Variants in PCDH11X observed in about 807,000 individuals in gnomAD.
The protein encoded by PCDH11X is protocadherin-11 X-linked.
PCDH11X carries 18 observed loss-of-function variants against 53.3 expected under a neutral mutation model. The ratio of observed to expected loss-of-function variants is 0.34; its 90% CI spans 0.23 to 0.50. The LOEUF is 0.50. Among genes scored for constraint, PCDH11X ranks in the 20% least tolerant of loss-of-function variants. The pLI, the probability that PCDH11X is intolerant of heterozygous loss-of-function variation, is 0.98. For synonymous variants in PCDH11X, 279 were observed against 393.3 expected, an observed-to-expected ratio of 0.71 and a Z score of 3.44; for missense variants, 570 against 1,032.4, an observed-to-expected ratio of 0.55 and a Z score of 6.14.
chrX:92,579,847 T>C (rs1374635113), intron 10 of PCDH11X, among the ~76,000 whole-genome samples: 1 of 111,734 alleles, frequency 8.9e-6, no homozygotes, highest in Non-Finnish European at 1.9e-5. Context: ...TTCAGCATTT[T>C]TGCATTGATT....
chrX:92,226,430 T>C (rs1391845232), intron 7 of PCDH11X, among the ~76,000 whole-genome samples: 1 of 111,436 alleles, frequency 9.0e-6, no homozygotes, highest in Non-Finnish European at 1.9e-5. Flanking sequence ...CTTTTAGGTA[T>C]GGAGCTGACT....
rs1252620451 is a variant in PCDH11X, at chrX:92,566,659, C to A, written c.3368-51605C>A. On this transcript the variant is annotated intron_variant, in intron 10 of 10. Coordinates refer to ENST00000682573, the MANE Select transcript of PCDH11X (RefSeq NM_032968.5). ...CTCCCTCCAAAATGTGCCTACATTT[C>A]AATTGTATAAAAATGCAAAAAATCT... is the stretch of plus-strand genomic sequence containing the variant. Among the ~76,000 whole-genome samples the A allele has an allele frequency of 1.5e-4, 16 of 110,300 alleles. No homozygotes were observed. The Admixed American group carries it at 1.6e-3, about 11-fold the overall frequency.
chrX:92,361,240 C>G (rs2070339537), intron 8 of PCDH11X, among the ~76,000 whole-genome samples: 2 of 108,982 alleles, frequency 1.8e-5, no homozygotes, highest in Admixed American at 2.0e-4. Context: ...TTTCAATTCC[C>G]CCTGTTTGCA....
chrX:92,217,390 A>G (rs1229326705), intron 7 of PCDH11X, among the ~76,000 whole-genome samples: 1 of 102,539 alleles, frequency 9.8e-6, no homozygotes, highest in African/African-American at 3.5e-5. Context: ...AAAAAAAGGC[A>G]GGGGTTGCAA....
chrX:92,107,505 G>C (rs2064410354), intron 6 of PCDH11X, among the ~76,000 whole-genome samples: 1 of 112,053 alleles, frequency 8.9e-6, no homozygotes, highest in African/African-American at 3.2e-5. Flanking sequence ...GGGAGGCAGA[G>C]GCGGGCTGAT....
At chrX:92,275,474 G>C (rs2148434279) in intron 8 of PCDH11X, among the ~76,000 whole-genome samples, 1 of 111,499 alleles carries the variant, frequency 9.0e-6, no homozygotes, top group Non-Finnish European at 1.9e-5. Flanking sequence ...AGCCTAATGG[G>C]TGTCAGGGTC....
rs189622710 is a variant in PCDH11X at position 92,159,192 on chromosome X, G to A, written c.3034-42183G>A. On this transcript the variant is annotated intron_variant, in intron 6 of 10. Coordinates refer to ENST00000682573, the MANE Select transcript of PCDH11X (RefSeq NM_032968.5). The stretch of plus-strand genomic sequence containing the variant: ...ATAGAAGAACATATGAAATAATAAT[G>A]AGAAATAAAGTTTGGAAGTCCTAGT... Among the ~76,000 whole-genome samples the A allele has an allele frequency of 7.2e-5, 8 of 110,908 alleles. No individual in the cohort carries two copies. In the East Asian group the frequency reaches 2.0e-3, roughly 28 times the overall value.
At chrX:92,451,829 C>A (rs1251877809) in intron 9 of PCDH11X, among the ~76,000 whole-genome samples, 1 of 111,256 alleles carries the variant, frequency 9.0e-6, no homozygotes, top group Non-Finnish European at 1.9e-5. Flanking sequence ...CCTTTAATTA[C>A]GTCAAATTCT....
chrX:91,825,537 C>T (rs897121549), intron 4 of PCDH11X, among the ~76,000 whole-genome samples: 16 of 111,413 alleles, frequency 1.4e-4, no homozygotes, highest in South Asian at 7.5e-4. Context: ...CTTCAGCTCG[C>T]GCACGGTGCG....
At chrX:92,013,581 C>A (rs915309878) in intron 6 of PCDH11X, among the ~76,000 whole-genome samples, 17 of 111,781 alleles carry the variant, frequency 1.5e-4, no homozygotes, top group African/African-American at 5.5e-4. Context: ...ACAAGTCAAT[C>A]CTCAGCCAAA....
intron 5 of PCDH11X, among the ~76,000 whole-genome samples, chrX:91,843,035 A>C (rs1178380834): frequency 9.2e-6 from 1 of 108,938 alleles, no homozygotes; most frequent in Non-Finnish European, 1.9e-5. Flanking sequence ...AATTTTGTCT[A>C]GATGTAACAA....
At chrX:92,079,014 G>A (rs188324424) in intron 6 of PCDH11X, among the ~76,000 whole-genome samples, 3,795 of 109,967 alleles carry the variant, frequency 0.035, 125 homozygotes, top group African/African-American at 0.099. Context: ...ATGATTTGAA[G>A]ACATCTGTAT....
chrX:91,822,743 C>G (rs2147588275), intron 4 of PCDH11X, among the ~76,000 whole-genome samples: 1 of 110,525 alleles, frequency 9.0e-6, no homozygotes. Context: ...TCTTGCTTTT[C>G]TAGTTCTTTT....
intron 6 of PCDH11X, among the ~76,000 whole-genome samples, chrX:92,154,909 G>A (rs2065502857): frequency 9.4e-6 from 1 of 106,446 alleles, no homozygotes; most frequent in East Asian, 3.0e-4. Context: ...CGTACACCAA[G>A]GCAGGAAACC....
intron 6 of PCDH11X, among the ~76,000 whole-genome samples, chrX:92,004,927 C>T (rs2062573827): frequency 1.8e-5 from 2 of 109,509 alleles, no homozygotes; most frequent in African/African-American, 3.3e-5. Context: ...GGGCACCCGC[C>T]ACCGCGCCCG....
At chrX:92,245,994 A>C (rs1398582915) in intron 7 of PCDH11X, among the ~76,000 whole-genome samples, 2 of 111,768 alleles carry the variant, frequency 1.8e-5, no homozygotes, top group Non-Finnish European at 3.8e-5. Flanking sequence ...GTATAAATCT[A>C]ATTGTAAATT....
intron 6 of PCDH11X, among the ~76,000 whole-genome samples, chrX:91,881,085 C>T (rs754617882): frequency 2.0e-4 from 22 of 110,432 alleles, no homozygotes; most frequent in African/African-American, 6.5e-4. Flanking sequence ...GGTTTCAGTG[C>T]TTTTTGAAGG....
At chrX:91,815,414 A>T (rs1936421233) in intron 4 of PCDH11X, among the ~76,000 whole-genome samples, 1 of 111,837 alleles carries the variant, frequency 8.9e-6, no homozygotes, top group African/African-American at 3.2e-5. Context: ...AATATTGTTC[A>T]TTAAGACAAT....
rs757963241 is a variant in PCDH11X at position 92,228,207 on chromosome X, G to A, written c.3114+26752G>A. Among the ~76,000 whole-genome samples, 3 of 111,576 alleles carry A rather than the reference G, an allele frequency of 2.7e-5. No homozygotes were observed. The East Asian group carries it at 8.5e-4, about 32-fold the overall frequency. On this transcript the variant is annotated intron_variant, in intron 7 of 10. Transcript: ENST00000682573. ...CACCTAACAGATTGTATTCTATTAC[G>A]CTGGACTACTCAAGCAATAAATGTA...
Sources: allele counts gnomAD v4.1 joint callset (sites outside exome capture counted in the v4.1 genomes callset), GRCh38; gene constraint gnomAD v4.1.1; transcripts MANE v1.5; gene names NCBI Gene and HGNC (gene_info 2026-07-23, HGNC 2026-07-21).